Variants in PARP8 observed in about 807,000 individuals in gnomAD.
PARP8 encodes poly(ADP-ribose) polymerase family member 8.
In PARP8, 51 loss-of-function variants were observed where a neutral mutation model predicts 124.1. That is an observed-to-expected ratio of 0.41 (90% CI 0.33 to 0.52). The LOEUF is 0.52. Among genes scored for constraint, PARP8 ranks in the 20% least tolerant of loss-of-function variants. The probability of loss-of-function intolerance (pLI) is 0.21; values close to 1 mark genes in which losing one functional copy is unlikely to be tolerated. For synonymous variants in PARP8, 391 were observed against 361.5 expected (o/e 1.08, Z -0.93); for missense variants, 860 against 1,018.9 (o/e 0.84, Z 2.12).
chr5:50,771,547 T>C (rs1298038076), intron 7 of PARP8, among the ~76,000 whole-genome samples: 2 of 152,238 alleles, frequency 1.3e-5, no homozygotes, highest in Non-Finnish European at 2.9e-5. Flanking sequence ...TGGTCATAGA[T>C]ATCAAAAAGC....
At chr5:50,672,102 T>A (rs1750095766) in intron 2 of PARP8, among the ~76,000 whole-genome samples, 1 of 152,198 alleles carries the variant, frequency 6.6e-6, no homozygotes. Flanking sequence ...CTGCTTTCCA[T>A]CCTCTCCTTT....
intron 9 of PARP8, among the ~76,000 whole-genome samples, chr5:50,779,410 C>T (rs544299160): frequency 6.6e-6 from 1 of 152,278 alleles, no homozygotes; most frequent in African/African-American, 2.4e-5. Flanking sequence ...ATCAAGGCCT[C>T]ACTGGGTTGG....
intron 3 of PARP8, chr5:50,757,055 G>A (rs1760041532): frequency 9.7e-6 from 4 of 413,456 alleles, no homozygotes; most frequent in South Asian, 5.2e-5. Flanking sequence ...GTGTACCTCC[G>A]TTTCTTTATG....
Position 50,794,305 on chromosome 5 carries a change from C to G in PARP8, c.836C>G (p.Pro279Arg). 6.2e-7 allele frequency: 1 copy of G among 1,613,082 alleles called. No homozygotes were observed. ...KKLSEKKVKS[P>R]LHLFSTLRRS... is the part of the protein sequence containing the mutation. ...TTGTCAGAGAAGAAAGTGAAGTCTC[C>G]CCTGCATTTATTTTCTACTTTGCGC... Residue 279 changes from proline (P) to arginine (R), a missense_variant, in exon 11 of 26, where the codon CCC becomes CGC. By Grantham distance (103) the Pro-to-Arg change is moderately radical. Transcript: ENST00000281631.
intron 2 of PARP8, among the ~76,000 whole-genome samples, chr5:50,692,484 C>T (rs1396213331): frequency 6.6e-6 from 1 of 151,798 alleles, no homozygotes; most frequent in Non-Finnish European, 1.5e-5. Flanking sequence ...TCTTTAAAGG[C>T]AGAAAGAAGC....
chr5:50,719,543 T>C (rs1561285965), intron 2 of PARP8, among the ~76,000 whole-genome samples: 2 of 152,184 alleles, frequency 1.3e-5, no homozygotes, highest in East Asian at 3.9e-4. Context: ...TTTCTGCATA[T>C]AGATATCCAG....
intron 7 of PARP8, among the ~76,000 whole-genome samples, chr5:50,771,013 A>G (rs77135943): frequency 0.042 from 6,426 of 152,026 alleles, 441 homozygotes; most frequent in African/African-American, 0.15. Flanking sequence ...TCCTATGTAA[A>G]TATTTATTCA....
At chr5:50,754,055 A>AT (rs1759548960) in intron 3 of PARP8, among the ~76,000 whole-genome samples, 2 of 145,906 alleles carry the variant, frequency 1.4e-5, no homozygotes, top group South Asian at 4.3e-4. Flanking sequence ...CAGAAAAAAA[A>AT]AAAAGAGCTT....
intron 2 of PARP8, among the ~76,000 whole-genome samples, chr5:50,733,163 G>A (rs567850080): frequency 1.3e-5 from 2 of 151,820 alleles, no homozygotes; most frequent in Non-Finnish European, 2.9e-5. Flanking sequence ...AATTAGCCAG[G>A]CGTGGTGTTG....
intron 3 of PARP8, among the ~76,000 whole-genome samples, chr5:50,751,155 A>G (rs1488489936): frequency 2.0e-5 from 3 of 152,278 alleles, no homozygotes; most frequent in South Asian, 2.1e-4. Flanking sequence ...GGTTGAAGAC[A>G]CTAAGTGAAT....
chr5:50,800,844 C>T (rs1561400507), intron 14 of PARP8, among the ~76,000 whole-genome samples: 1 of 150,658 alleles, frequency 6.6e-6, no homozygotes, highest in Non-Finnish European at 1.5e-5. Flanking sequence ...GCAACCTCAA[C>T]CTTCTGGGCT....
intron 3 of PARP8, 136 bp from the exon 4 acceptor site, chr5:50,759,507 A>C: frequency 1.1e-6 from 1 of 948,940 alleles, no homozygotes. Context: ...ATATTTTTTG[A>C]GTTTAATCAA....
At chr5:50,713,169 A>G (rs139464674) in intron 2 of PARP8, among the ~76,000 whole-genome samples, 221 of 152,204 alleles carry the variant, frequency 1.5e-3, no homozygotes, top group African/African-American at 5.1e-3. Context: ...TGATGTTTCA[A>G]TAAGTTAATT....
chr5:50,765,143 C>G (rs1010141976), intron 7 of PARP8, among the ~76,000 whole-genome samples: 21 of 151,792 alleles, frequency 1.4e-4, no homozygotes, highest in African/African-American at 4.8e-4. Flanking sequence ...TGCCGGTAAA[C>G]CCAGCTACTC....
At chr5:50,757,009 T>G (rs1278204731) in intron 3 of PARP8, 1 of 321,502 alleles carries the variant, frequency 3.1e-6, no homozygotes, top group Non-Finnish European at 6.4e-6. Context: ...GATTTCATTC[T>G]TTTTCAGTTG....
At chr5:50,734,688 G>A (rs1027805408) in intron 2 of PARP8, among the ~76,000 whole-genome samples, 2 of 151,910 alleles carry the variant, frequency 1.3e-5, no homozygotes, top group African/African-American at 4.8e-5. Context: ...TAAATATTTA[G>A]TGCTCTCTCT....
intron 2 of PARP8, among the ~76,000 whole-genome samples, chr5:50,692,766 C>T (rs1485887252): frequency 1.3e-5 from 2 of 152,088 alleles, no homozygotes; most frequent in Admixed American, 6.6e-5. Flanking sequence ...TAGGCCCACC[C>T]GGCTCATCAT....
intron 18 of PARP8, among the ~76,000 whole-genome samples, chr5:50,826,302 A>G (rs1008833372): frequency 6.6e-6 from 1 of 151,994 alleles, no homozygotes; most frequent in African/African-American, 2.4e-5. Flanking sequence ...TTGTATATAT[A>G]TCAGCTCAAA....
chr5:50,822,757 A>G (rs1264774528), intron 17 of PARP8, among the ~76,000 whole-genome samples: 1 of 152,218 alleles, frequency 6.6e-6, no homozygotes, highest in Non-Finnish European at 1.5e-5. Flanking sequence ...GAGTATTAAA[A>G]ACAGAAATGT....
Sources: gnomAD v4.1 joint callset for allele counts (sites outside exome capture counted in the v4.1 genomes callset) on GRCh38, gnomAD v4.1.1 for gene constraint, MANE v1.5 for transcripts, NCBI Gene and HGNC (gene_info 2026-07-23, HGNC 2026-07-21) for gene names.